GPC5: variants seen among roughly 807,000 people sequenced by gnomAD.
GPC5 encodes the protein glypican 5.
Under a neutral mutation model 53.9 loss-of-function variants are expected in GPC5, and 47 were observed. That is an observed-to-expected ratio of 0.87 (90% CI 0.69 to 1.11). GPC5 has a LOEUF of 1.11. GPC5 is among the 50% of genes most tolerant of loss of function. The pLI, the probability that GPC5 is intolerant of heterozygous loss-of-function variation, is 0.00. For missense variants in GPC5, 748 were observed against 713.1 expected, an observed-to-expected ratio of 1.05 and a Z score of -0.56; for synonymous variants, 286 against 263.3, an observed-to-expected ratio of 1.09 and a Z score of -0.84.
chr13:91,509,943 A>G (rs2139327745), intron 2 of GPC5, among the ~76,000 whole-genome samples: 1 of 152,238 alleles, frequency 6.6e-6, no homozygotes, highest in Admixed American at 6.5e-5. Context: ...GCAAGCCAAT[A>G]TGGTTTGTCA....
intron 7 of GPC5, among the ~76,000 whole-genome samples, chr13:92,630,671 T>A (rs1434348185): frequency 1.3e-5 from 2 of 152,140 alleles, no homozygotes; most frequent in East Asian, 1.9e-4. Flanking sequence ...TGCACATGTA[T>A]CCTAGAACTG....
intron 7 of GPC5, among the ~76,000 whole-genome samples, chr13:92,704,011 T>A (rs1887857413): frequency 6.6e-6 from 1 of 152,072 alleles, no homozygotes; most frequent in Non-Finnish European, 1.5e-5. Flanking sequence ...TAAAATTGTA[T>A]TCTAATATTA....
intron 7 of GPC5, among the ~76,000 whole-genome samples, chr13:92,335,629 C>T (rs1160563737): frequency 1.3e-5 from 2 of 152,088 alleles, no homozygotes; most frequent in African/African-American, 4.8e-5. Flanking sequence ...TCTGCTTCCT[C>T]TGGAATGCTT....
chr13:91,893,981 G>A (rs1304013932), intron 5 of GPC5, among the ~76,000 whole-genome samples: 3 of 151,128 alleles, frequency 2.0e-5, no homozygotes, highest in Non-Finnish European at 4.4e-5. Flanking sequence ...GCCCCTGCAT[G>A]GCATACAAAG....
intron 2 of GPC5, among the ~76,000 whole-genome samples, chr13:91,541,247 A>G (rs377657570): frequency 6.6e-6 from 1 of 152,160 alleles, no homozygotes. Flanking sequence ...TAAAGTCTCT[A>G]TGTAATTTGT....
At chr13:92,538,809 G>GTA (rs1477777315) in intron 7 of GPC5, among the ~76,000 whole-genome samples, 792 of 802 alleles carry the variant, frequency 0.99, 395 homozygotes, top group Non-Finnish European at 1. Flanking sequence ...TATATACCTT[G>GTA]TATATATATA....
intron 2 of GPC5, among the ~76,000 whole-genome samples, chr13:91,462,708 CG>C (rs1212592811): frequency 2.0e-5 from 3 of 151,686 alleles, no homozygotes; most frequent in African/African-American, 7.3e-5. Context: ...ATACTTAGGA[CG>C]GGTGGGTCAA....
intron 7 of GPC5, among the ~76,000 whole-genome samples, chr13:92,426,173 C>T (rs768544781): frequency 5.9e-5 from 9 of 152,154 alleles, no homozygotes; most frequent in Middle Eastern, 3.4e-3. Flanking sequence ...GAGAATACCC[C>T]TCTTCTCCTT....
At chr13:92,250,252 G>A (rs1566504267) in intron 7 of GPC5, among the ~76,000 whole-genome samples, 1 of 152,162 alleles carries the variant, frequency 6.6e-6, no homozygotes, top group Non-Finnish European at 1.5e-5. Context: ...TTATGCCTGA[G>A]TGTTTAGGTT....
At chr13:91,838,935 G>C (rs1292174527) in intron 5 of GPC5, among the ~76,000 whole-genome samples, 2 of 151,814 alleles carry the variant, frequency 1.3e-5, no homozygotes, top group Non-Finnish European at 2.9e-5. Context: ...ATAGAGCCCT[G>C]AACCATGTTT....
At position 91,511,181 on chromosome 13, in the gene GPC5, C is replaced by T. The variant is rs191561615; in HGVS notation, c.325+62259C>T. ...AATATGATGTTTCTTTTTCCCTCTT[C>T]GGTACTTTAAAGATGCCTTTCTATT... On this transcript the variant is annotated intron_variant, in intron 2 of 7. Transcript: ENST00000377067. 7.6e-4 allele frequency among the ~76,000 whole-genome samples: 116 copies of T among 152,196 alleles called. 1 individual carries two copies. Among genetic ancestry groups the T allele is most frequent in the African/African-American group, 2.7e-3 (113 of 41,556 alleles).
chr13:92,765,035 C>CT (rs1875339876), intron 7 of GPC5, among the ~76,000 whole-genome samples: 1 of 152,038 alleles, frequency 6.6e-6, no homozygotes, highest in Non-Finnish European at 1.5e-5. Flanking sequence ...TTTTAAAGGC[C>CT]TTTTTTCCAT....
chr13:91,829,380 G>A (rs2038621459), intron 5 of GPC5, among the ~76,000 whole-genome samples: 1 of 152,052 alleles, frequency 6.6e-6, no homozygotes, highest in Admixed American at 6.6e-5. Context: ...CCGGATTCAA[G>A]ACTGGATCCT....
At chr13:92,566,673 G>A (rs1420382983) in intron 7 of GPC5, among the ~76,000 whole-genome samples, 3 of 151,982 alleles carry the variant, frequency 2.0e-5, no homozygotes, top group Non-Finnish European at 4.4e-5. Flanking sequence ...CAGTAACAGG[G>A]TAAATAACAA....
At position 91,693,238 on chromosome 13, in the gene GPC5, T is replaced by G. The variant is rs374011363; in HGVS notation, c.377T>G (p.Phe126Cys). 94 of 1,613,980 alleles carry G rather than the reference T, an allele frequency of 5.8e-5. No individual in the cohort carries two copies. Among genetic ancestry groups the G allele is most frequent in the Non-Finnish European group, 7.3e-5 (86 of 1,180,014 alleles). ...KQAENYTSIL[F>C]CSTYRNMALE... ...GCAGAAAATTACACCAGTATACTTT[T>G]TTGCAGTACCTACAGGAACATGGCC... Residue 126 changes from phenylalanine to cysteine, a missense_variant, in exon 3 of 8, where the codon TTT becomes TGT. Transcript: ENST00000377067.
intron 5 of GPC5, among the ~76,000 whole-genome samples, chr13:91,900,198 A>T (rs1280110070): frequency 6.6e-6 from 1 of 152,182 alleles, no homozygotes; most frequent in Non-Finnish European, 1.5e-5. Context: ...ATCTTTCAGA[A>T]TTTTATAATG....
At chr13:92,025,750 T>G (rs752769463) in intron 6 of GPC5, among the ~76,000 whole-genome samples, 3 of 152,332 alleles carry the variant, frequency 2.0e-5, no homozygotes, top group South Asian at 2.1e-4. Flanking sequence ...TTATTGTAGA[T>G]GATTATCTCT....
At chr13:92,020,270 C>T (rs1361051695) in intron 6 of GPC5, among the ~76,000 whole-genome samples, 1 of 152,132 alleles carries the variant, frequency 6.6e-6, no homozygotes, top group Non-Finnish European at 1.5e-5. Context: ...TTAATTCCAT[C>T]TGCAACTTTT....
At chr13:91,888,843 C>A (rs1010054768) in intron 5 of GPC5, among the ~76,000 whole-genome samples, 2 of 151,878 alleles carry the variant, frequency 1.3e-5, no homozygotes, top group African/African-American at 4.8e-5. Context: ...GAACAATATT[C>A]CTCAAACTTA....
Sources: allele counts gnomAD v4.1 joint callset (sites outside exome capture counted in the v4.1 genomes callset), GRCh38; gene constraint gnomAD v4.1.1; transcripts MANE v1.5; gene names NCBI Gene and HGNC (gene_info 2026-07-23, HGNC 2026-07-21).